WDR72: variants seen among roughly 807,000 people sequenced by gnomAD.
The protein encoded by WDR72 is WD repeat-containing protein 72.
WDR72 carries 120 observed loss-of-function variants against 124.2 expected under a neutral mutation model. The ratio of observed to expected loss-of-function variants is 0.97; its 90% CI spans 0.83 to 1.12. The LOEUF (loss-of-function observed/expected upper bound fraction) is 1.12, where lower values mean the gene tolerates loss of function less well. Ranked by LOEUF, WDR72 falls within the 50% of genes most tolerant of loss-of-function variation. The pLI is 0.00. For synonymous variants in WDR72, 452 were observed against 441.7 expected (o/e 1.02, Z -0.29); for missense variants, 1,387 against 1,278.8 (o/e 1.08, Z -1.29).
In WDR72 at chr15:53,595,871, G is replaced by A. The variant is rs535510893; in HGVS notation, c.3148+1208C>T. Among the ~76,000 whole-genome samples, 5 of 152,238 alleles carry A rather than the reference G, an allele frequency of 3.3e-5. 1 individual carries two copies. The highest frequency in any genetic ancestry group is 7.2e-5 in the African/African-American group (3 of 41,546). On this transcript the variant is annotated intron_variant, in intron 18 of 19. Coordinates refer to ENST00000360509, the MANE Select transcript of WDR72 (RefSeq NM_182758.4). Reference sequence around the variant, plus strand: ...ATTTTTGGAAAATAAACATGCATATGACTTAAAATAACCATCTAGCTTTAT... The same window carrying A: ...ATTTTTGGAAAATAAACATGCATATAACTTAAAATAACCATCTAGCTTTAT...
chr15:53,677,312 T>G (rs1018811675), intron 13 of WDR72, among the ~76,000 whole-genome samples: 3 of 152,210 alleles, frequency 2.0e-5, no homozygotes, highest in Non-Finnish European at 4.4e-5. Context: ...CATACTTTTT[T>G]ATAACTCCTT....
chr15:53,518,332 A>G (rs1891579911), intron 19 of WDR72, among the ~76,000 whole-genome samples: 1 of 152,036 alleles, frequency 6.6e-6, no homozygotes, highest in Admixed American at 6.6e-5. Context: ...TTTAAAACAC[A>G]TTTATATTAA....
chr15:53,618,198 T>C (rs959192168), intron 14 of WDR72, among the ~76,000 whole-genome samples: 1 of 152,032 alleles, frequency 6.6e-6, no homozygotes, highest in African/African-American at 2.4e-5. Flanking sequence ...ATTTCATGCT[T>C]ATAATTTCTT....
chr15:53,680,565 C>T lies in WDR72; in HGVS notation c.1766-14797G>A, dbSNP rs570258382. On this transcript the variant is annotated intron_variant, in intron 13 of 19. Coordinates refer to ENST00000360509, the MANE Select transcript of WDR72 (RefSeq NM_182758.4). ...GTGGTGACCAAAGAAAGTTAACCTG[C>T]GGGGTAAATCATGGGTTAAAGCCAA... Among the ~76,000 whole-genome samples, 41 of 152,264 alleles carry T rather than the reference C, an allele frequency of 2.7e-4. No homozygotes were observed. The South Asian group carries it at 7.5e-3, about 28-fold the overall frequency.
intron 13 of WDR72, among the ~76,000 whole-genome samples, chr15:53,670,759 AG>A (rs2015957322): frequency 6.6e-6 from 1 of 152,206 alleles, no homozygotes; most frequent in African/African-American, 2.4e-5. Flanking sequence ...AAGTGCTTAG[AG>A]GTTTCGGCAC....
At position 53,665,648 on chromosome 15, in the gene WDR72, A is replaced by C; in HGVS notation, c.1886T>G (p.Ile629Arg). The C allele has an allele frequency of 6.2e-7, 1 of 1,613,912 alleles. No homozygotes were observed. Among genetic ancestry groups the C allele is most frequent in the South Asian group, 1.1e-5 (1 of 91,082 alleles). Residue 629 changes from isoleucine to arginine, a missense_variant, in exon 14 of 20, where the codon ATA becomes AGA. Transcript: ENST00000360509. ...IASETLKHKS[I>R]EQRSSSPYQL... Reference sequence around the variant, plus strand: ...GTAGGGGCTGGAGGATCTCTGTTCTATACTTTTGTGCTTAAGTGTCTCTGA... The same window carrying C: ...GTAGGGGCTGGAGGATCTCTGTTCTCTACTTTTGTGCTTAAGTGTCTCTGA...
At chr15:53,529,822 C>T (rs1349648856) in intron 18 of WDR72, among the ~76,000 whole-genome samples, 1 of 151,928 alleles carries the variant, frequency 6.6e-6, no homozygotes, top group Non-Finnish European at 1.5e-5. Context: ...ATCAAATTAT[C>T]TAAACTCTCA....
At chr15:53,586,185 T>C (rs2012204479) in intron 18 of WDR72, among the ~76,000 whole-genome samples, 1 of 152,042 alleles carries the variant, frequency 6.6e-6, no homozygotes, top group African/African-American at 2.4e-5. Context: ...TGGCTGGACT[T>C]ACCAGCTGGA....
chr15:53,534,015 G>A (rs1222437939), intron 18 of WDR72, among the ~76,000 whole-genome samples: 1 of 152,102 alleles, frequency 6.6e-6, no homozygotes, highest in Non-Finnish European at 1.5e-5. Flanking sequence ...GACACATTTT[G>A]AGACTTTGAG....
At chr15:53,522,458 C>A (rs919188038) in intron 19 of WDR72, among the ~76,000 whole-genome samples, 2 of 151,970 alleles carry the variant, frequency 1.3e-5, no homozygotes, top group African/African-American at 2.4e-5. Flanking sequence ...TAATAAGGTA[C>A]CTTCTAGCAC....
chr15:53,526,483 C>A (rs569614073), intron 18 of WDR72, among the ~76,000 whole-genome samples: 1 of 152,150 alleles, frequency 6.6e-6, no homozygotes, highest in Admixed American at 6.5e-5. Context: ...AATGAATTCT[C>A]TTTACATGTC....
At chr15:53,664,486 C>T (rs1249480635) in intron 14 of WDR72, among the ~76,000 whole-genome samples, 19 of 151,502 alleles carry the variant, frequency 1.3e-4, no homozygotes, top group Admixed American at 1.2e-3. Flanking sequence ...TTTAATGGCC[C>T]ATTGGCCTTT....
intron 18 of WDR72, among the ~76,000 whole-genome samples, chr15:53,591,680 C>T (rs1224254371): frequency 7.6e-6 from 1 of 131,506 alleles, no homozygotes; most frequent in Non-Finnish European, 1.6e-5. Context: ...ACATACAACA[C>T]ACACAACACA....
At chr15:53,610,146 T>C (rs78764305) in intron 16 of WDR72, among the ~76,000 whole-genome samples, 3,932 of 152,190 alleles carry the variant, frequency 0.026, 179 homozygotes, top group African/African-American at 0.09. Context: ...ACTCATTCTG[T>C]TATGTATTAT....
intron 17 of WDR72, among the ~76,000 whole-genome samples, chr15:53,603,858 C>T (rs535002123): frequency 2.0e-5 from 3 of 152,260 alleles, no homozygotes; most frequent in Admixed American, 2.0e-4. Context: ...GAAAAACATT[C>T]CATGTTCATG....
chr15:53,712,374 G>A (rs577749747), intron 7 of WDR72, among the ~76,000 whole-genome samples: 2 of 152,180 alleles, frequency 1.3e-5, no homozygotes, highest in Non-Finnish European at 2.9e-5. Flanking sequence ...GAGGTGGGCA[G>A]ATCACGAGGT....
intron 14 of WDR72, among the ~76,000 whole-genome samples, chr15:53,646,924 C>A (rs181431469): frequency 6.6e-6 from 1 of 152,034 alleles, no homozygotes; most frequent in African/African-American, 2.4e-5. Context: ...TTACTGAAGT[C>A]AAAATATTCC....
At chr15:53,678,135 G>T (rs2016244336) in intron 13 of WDR72, among the ~76,000 whole-genome samples, 2 of 152,086 alleles carry the variant, frequency 1.3e-5, no homozygotes, top group African/African-American at 4.8e-5. Context: ...ACTGAAGAAA[G>T]AACTTTATTG....
In WDR72 at chr15:53,699,884, A is replaced by G. The variant is rs1164696501; in HGVS notation, c.1631T>C (p.Leu544Pro). The change falls in exon 13 of 20, where the codon CTT (leucine) becomes CCT (proline). Residue 544 changes from leucine (L) to proline (P), a missense_variant. Leu to Pro is a moderately conservative substitution (Grantham distance 98, BLOSUM62 -3). Coordinates refer to ENST00000360509, the MANE Select transcript of WDR72 (RefSeq NM_182758.4). ...ATGCAGGAGGCAACTCTTTCCCTCA[A>G]GGTGAAGGAGAGCCACGGAATGGTC... Reference protein sequence around the residue: ...CGDHSVALLHLEGKSCLLHAR... With the variant: ...CGDHSVALLHPEGKSCLLHAR... 6.2e-7 allele frequency: 1 copy of G among 1,614,190 alleles called. No individual in the cohort carries two copies. The highest frequency in any genetic ancestry group is 8.5e-7 in the Non-Finnish European group (1 of 1,180,028).
Sources: gnomAD v4.1 joint callset for allele counts (sites outside exome capture counted in the v4.1 genomes callset) on GRCh38, gnomAD v4.1.1 for gene constraint, MANE v1.5 for transcripts, NCBI Gene and HGNC (gene_info 2026-07-23, HGNC 2026-07-21) for gene names.